Variants in MTHFD1L observed in about 807,000 individuals in gnomAD.
MTHFD1L encodes the protein monofunctional C1-tetrahydrofolate synthase, mitochondrial.
In MTHFD1L, 81 loss-of-function variants were observed where a neutral mutation model predicts 119.5. The observed-to-expected ratio is 0.68, with a 90% CI of 0.57 to 0.82. The LOEUF (loss-of-function observed/expected upper bound fraction) is 0.82, where lower values mean the gene tolerates loss of function less well. Among genes scored for constraint, MTHFD1L ranks in the 40% least tolerant of loss-of-function variants. The pLI is 0.00. For synonymous variants in MTHFD1L, 430 were observed against 475.2 expected (o/e 0.90, Z 1.24); for missense variants, 1,125 against 1,253.4 (o/e 0.90, Z 1.55).
At chr6:150,979,240 A>G (rs1777079957) in intron 20 of MTHFD1L, among the ~76,000 whole-genome samples, 1 of 152,208 alleles carries the variant, frequency 6.6e-6, no homozygotes, top group African/African-American at 2.4e-5. Context: ...CTCTGTCTCA[A>G]AAAAATAAGA....
chr6:150,984,554 A>G (rs1777988204), intron 20 of MTHFD1L, among the ~76,000 whole-genome samples: 1 of 149,164 alleles, frequency 6.7e-6, no homozygotes. Context: ...TCCTAAACAC[A>G]GGAACCAAAA....
chr6:150,963,559 T>G (rs1456874340), intron 18 of MTHFD1L, among the ~76,000 whole-genome samples: 1 of 152,214 alleles, frequency 6.6e-6, no homozygotes, highest in Non-Finnish European at 1.5e-5. Flanking sequence ...TGATTAAATA[T>G]TATAAAAATA....
chr6:150,969,351 C>T (rs1413335119), intron 19 of MTHFD1L, among the ~76,000 whole-genome samples: 1 of 151,964 alleles, frequency 6.6e-6, no homozygotes, highest in Admixed American at 6.6e-5. Context: ...GATTCAGAAC[C>T]CTTAAAAAGC....
At chr6:150,933,531 G>A (rs1562406520) in intron 11 of MTHFD1L, among the ~76,000 whole-genome samples, 1 of 152,138 alleles carries the variant, frequency 6.6e-6, no homozygotes, top group South Asian at 2.1e-4. Context: ...ATGCAGAGGT[G>A]ACTGATAAGC....
chr6:150,956,406 C>T (rs763820535), intron 17 of MTHFD1L, among the ~76,000 whole-genome samples: 3 of 152,128 alleles, frequency 2.0e-5, no homozygotes, highest in Non-Finnish European at 4.4e-5. Flanking sequence ...ATCTGCATAA[C>T]TGATAAATGA....
chr6:151,085,110 A>G (rs1357015936), intron 26 of MTHFD1L, among the ~76,000 whole-genome samples: 1 of 151,304 alleles, frequency 6.6e-6, no homozygotes, highest in East Asian at 1.9e-4. Flanking sequence ...ATGTAATTTA[A>G]TAATTACATA....
intron 4 of MTHFD1L, 150 bp from the exon 5 acceptor site, chr6:150,882,612 T>A: frequency 1.9e-6 from 1 of 538,768 alleles, no homozygotes; most frequent in Admixed American, 4.3e-5. Context: ...CTTTTTATTA[T>A]GCTTTACACC....
intron 8 of MTHFD1L, among the ~76,000 whole-genome samples, chr6:150,917,225 G>C (rs372857752): frequency 6.6e-6 from 1 of 151,890 alleles, no homozygotes; most frequent in South Asian, 2.1e-4. Flanking sequence ...GTACAGTAAA[G>C]ATTTTAGAGC....
At chr6:151,045,230 T>C (rs554213870) in intron 26 of MTHFD1L, among the ~76,000 whole-genome samples, 1 of 152,106 alleles carries the variant, frequency 6.6e-6, no homozygotes, top group African/African-American at 2.4e-5. Context: ...CCAGTTACAA[T>C]GAGACAATTA....
chr6:150,950,828 C>T (rs148350449), intron 16 of MTHFD1L, among the ~76,000 whole-genome samples: 7 of 152,170 alleles, frequency 4.6e-5, no homozygotes, highest in East Asian at 3.9e-4. Flanking sequence ...CACCACCACA[C>T]GTGGCTAATT....
At position 150,886,456 on chromosome 6, in the gene MTHFD1L, AAAGAG is replaced by A. The variant is rs1253205115; in HGVS notation, c.643+727_643+731del. 8.6e-5 allele frequency among the ~76,000 whole-genome samples: 13 copies of A among 150,930 alleles called. 1 individual carries two copies. In the South Asian group the frequency reaches 1.7e-3, roughly 19 times the overall value. On this transcript the variant is annotated intron_variant, in intron 6 of 27. Coordinates refer to ENST00000367321, the MANE Select transcript of MTHFD1L (RefSeq NM_015440.5). Reference sequence around the variant, plus strand: ...GCCTCAAAAAAAAAAAAAAAAAAAAAAAGAGAAGAAGAAGAAGCCGGTAGATGTAG... The same window carrying A: ...GCCTCAAAAAAAAAAAAAAAAAAAAAAAGAAGAAGAAGCCGGTAGATGTAG...
chr6:151,009,925 G>A lies in MTHFD1L; in HGVS notation c.2232G>A (p.Val744=), dbSNP rs1267549051. ...VPNVVVLVAT[V]RALKMHGGGP... ...ACGTGGTTGTGTTAGTGGCAACGGTGCGAGCTCTGAAGATGCATGGAGGCG... is the reference window on the plus strand; with the variant it reads ...ACGTGGTTGTGTTAGTGGCAACGGTACGAGCTCTGAAGATGCATGGAGGCG... Residue 744 remains valine, a synonymous_variant, in exon 21 of 28, where the codon GTG becomes GTA. Transcript: ENST00000367321. 6.2e-7 allele frequency: 1 copy of A among 1,613,092 alleles called. No individual in the cohort carries two copies. Among genetic ancestry groups the A allele is most frequent in the South Asian group, 1.1e-5 (1 of 90,832 alleles).
intron 24 of MTHFD1L, among the ~76,000 whole-genome samples, chr6:151,017,896 G>A (rs374082566): frequency 1.8e-4 from 26 of 145,644 alleles, no homozygotes; most frequent in African/African-American, 2.9e-4. Flanking sequence ...GTGCAGTGGC[G>A]CAATCTCGGC....
At chr6:151,006,692 A>G (rs1781449067) in intron 20 of MTHFD1L, among the ~76,000 whole-genome samples, 1 of 152,026 alleles carries the variant, frequency 6.6e-6, no homozygotes, top group South Asian at 2.1e-4. Context: ...CTCTCTTTTT[A>G]TTTGGTTTGG....
intron 1 of MTHFD1L, among the ~76,000 whole-genome samples, chr6:150,871,604 T>C (rs1183139): frequency 6.8e-6 from 1 of 146,742 alleles, no homozygotes. Context: ...CAGGTTCAAG[T>C]GATTCTCCTG....
At chr6:150,935,632 G>T in intron 11 of MTHFD1L, 1 of 1,222,906 alleles carries the variant, frequency 8.2e-7, no homozygotes, top group Non-Finnish European at 1.1e-6. Flanking sequence ...AAATAGAAGA[G>T]TGTCTACAGC....
At chr6:151,100,936 A>G (rs1266385251) in intron 27 of MTHFD1L, among the ~76,000 whole-genome samples, 1 of 152,124 alleles carries the variant, frequency 6.6e-6, no homozygotes, top group African/African-American at 2.4e-5. Flanking sequence ...AGGCAGGCGG[A>G]TCACTTGAGC....
intron 8 of MTHFD1L, among the ~76,000 whole-genome samples, chr6:150,913,491 A>G (rs1007108180): frequency 1.3e-5 from 2 of 151,992 alleles, no homozygotes; most frequent in African/African-American, 2.4e-5. Context: ...CCTTTTCTAG[A>G]GACGAGGTTT....
chr6:150,941,300 G>C (rs556419443), intron 13 of MTHFD1L, among the ~76,000 whole-genome samples: 4 of 152,200 alleles, frequency 2.6e-5, no homozygotes, highest in Admixed American at 6.5e-5. Context: ...GAGTTGGGGG[G>C]GTTGAGGTAG....
Sources: allele counts gnomAD v4.1 joint callset (sites outside exome capture counted in the v4.1 genomes callset), GRCh38; gene constraint gnomAD v4.1.1; transcripts MANE v1.5; gene names NCBI Gene and HGNC (gene_info 2026-07-23, HGNC 2026-07-21).